Variants in ABHD18 observed in about 807,000 individuals in gnomAD.
The protein encoded by ABHD18 is abhydrolase domain containing 18.
A neutral mutation model predicts 65.9 loss-of-function variants in ABHD18; 55 were observed. The observed-to-expected ratio is 0.84, with a 90% CI of 0.67 to 1.05. The LOEUF (loss-of-function observed/expected upper bound fraction) is 1.05. Among genes scored for constraint, ABHD18 ranks in the 50% least tolerant of loss-of-function variants. The pLI is 0.00. For missense variants in ABHD18, 533 were observed against 558.5 expected, an observed-to-expected ratio of 0.95 and a Z score of 0.46; for synonymous variants, 181 against 180.2, an observed-to-expected ratio of 1.00 and a Z score of -0.04.
rs1052703459 is a variant in ABHD18 at position 128,038,010 on chromosome 4, A to G, written c.*2197A>G. The stretch of plus-strand genomic sequence containing the variant: ...TGTGTTGTCTGTGAATTATTTTTAA[A>G]TAGGGATTCTTAGTCTACTAACGAT... On this transcript the variant is annotated 3_prime_UTR_variant, in exon 13 of 13. Coordinates refer to ENST00000645843, the MANE Select transcript of ABHD18 (RefSeq NM_001358451.3). 1 of 152,168 alleles carries G rather than the reference A, an allele frequency of 6.6e-6. No individual in the cohort carries two copies. Among genetic ancestry groups the G allele is most frequent in the African/African-American group, 2.4e-5 (1 of 41,452 alleles). The allele number at this position is 152,168 out of a possible 1,614,324, so 9.4% of individuals were successfully genotyped here. A position where few individuals can be genotyped will look rare whatever the true frequency, so the allele number is the denominator to read the frequency against.
chr4:128,035,218 T>C (rs1758751468), intron 12 of ABHD18, among the ~76,000 whole-genome samples: 1 of 152,154 alleles, frequency 6.6e-6, no homozygotes, highest in African/African-American at 2.4e-5. Context: ...CGTGTATGTA[T>C]GAATATATAT....
chr4:127,988,479 A>G (rs1192063216), intron 3 of ABHD18, among the ~76,000 whole-genome samples: 1 of 152,122 alleles, frequency 6.6e-6, no homozygotes, highest in East Asian at 1.9e-4. Context: ...AGATCTGCCC[A>G]CCTTGGCCTC....
At chr4:127,978,636 G>A (rs979213361) in intron 1 of ABHD18, among the ~76,000 whole-genome samples, 7 of 152,046 alleles carry the variant, frequency 4.6e-5, no homozygotes, top group African/African-American at 1.4e-4. Context: ...AATTTAAATT[G>A]CATACCAATT....
At position 128,021,275 on chromosome 4, in the gene ABHD18, G is replaced by C. The variant is rs748790798; in HGVS notation, c.801+37G>C. On this transcript the variant is annotated intron_variant, in intron 10 of 12. Transcript: ENST00000645843. Reference sequence around the variant, plus strand: ...ACTTTCCACCCAACATTGGTGGTGGGGGGAGTTGATTGTATATTTAATGAT... The same window carrying C: ...ACTTTCCACCCAACATTGGTGGTGGCGGGAGTTGATTGTATATTTAATGAT... 8 of 1,229,900 alleles carry C rather than the reference G, an allele frequency of 6.5e-6. No homozygotes were observed. In the Admixed American group the frequency reaches 8.6e-5, roughly 13 times the overall value. 76.2% of individuals were successfully genotyped at this position (1,229,900 alleles called of 1,614,324 possible). A position where few individuals can be genotyped will look rare whatever the true frequency, so the allele number is the denominator to read the frequency against.
chr4:127,979,606 A>G (rs1748615739), intron 1 of ABHD18, among the ~76,000 whole-genome samples: 1 of 151,258 alleles, frequency 6.6e-6, no homozygotes, highest in Non-Finnish European at 1.5e-5. Context: ...AAATGGATAG[A>G]ACAAGGTATT....
At chr4:127,976,188 C>T (rs1004612089) in intron 1 of ABHD18, among the ~76,000 whole-genome samples, 1 of 152,054 alleles carries the variant, frequency 6.6e-6, no homozygotes, top group Admixed American at 6.6e-5. Flanking sequence ...TTGTGTCATA[C>T]CTATGATTTA....
chr4:127,966,129 G>A (rs1745282184), intron 1 of ABHD18: 1 of 152,166 alleles, frequency 6.6e-6, no homozygotes, highest in Admixed American at 6.5e-5. Context: ...AACATGTCAT[G>A]GGTTTTCACT....
intron 4 of ABHD18, among the ~76,000 whole-genome samples, chr4:127,991,954 CT>C (rs924995772): frequency 6.6e-6 from 1 of 152,138 alleles, no homozygotes; most frequent in Admixed American, 6.6e-5. Flanking sequence ...TTTGTTACCC[CT>C]AAGGCATTAT....
rs935749824 is a variant in ABHD18, at chr4:127,974,230, C to G, written c.-18+8624C>G. ...TTTTTTTTTTTGAGACAGAGTCTTA[C>G]TCTGTCGCCCACGCTGGAGAGCAAT... On this transcript the variant is annotated intron_variant, in intron 1 of 12. Coordinates refer to ENST00000645843, the MANE Select transcript of ABHD18 (RefSeq NM_001358451.3). Among the ~76,000 whole-genome samples the G allele has an allele frequency of 3.7e-4, 43 of 115,730 alleles. 1 individual carries two copies. Among genetic ancestry groups the G allele is most frequent in the Non-Finnish European group, 5.3e-4 (32 of 60,174 alleles). The allele number at this position is 115,730 out of a possible 152,430, so 75.9% of individuals were successfully genotyped here.
chr4:128,035,785 A>T lies in ABHD18; in HGVS notation c.1367A>T (p.Asp456Val), dbSNP rs1196724151. The T allele has an allele frequency of 4.6e-6, 7 of 1,538,106 alleles. No individual in the cohort carries two copies. The African/African-American group carries it at 6.9e-5, about 15-fold the overall frequency. ...LFRQAIYDAFDRFLHKYAN is the reference protein window; with the variant it reads ...LFRQAIYDAFVRFLHKYAN ...AGACAAGCCATCTATGATGCATTTGACCGCTTCCTCCATAAATACGCTAAC... is the reference window on the plus strand; with the variant it reads ...AGACAAGCCATCTATGATGCATTTGTCCGCTTCCTCCATAAATACGCTAAC... Residue 456 changes from aspartate (D) to valine (V), a missense_variant, in exon 13 of 13, where the codon GAC becomes GTC. Physicochemically the swap from Asp to Val is radical, Grantham distance 152 (BLOSUM62 -3). Transcript: ENST00000645843.
At chr4:127,982,916 C>T (rs1170636102) in intron 1 of ABHD18, 23 bp from the exon 2 acceptor site, 6 of 1,242,596 alleles carry the variant, frequency 4.8e-6, no homozygotes, top group Non-Finnish European at 6.6e-6. Flanking sequence ...TATTTTAAAG[C>T]CATTTTAAAT....
rs553823969 is a variant in ABHD18, at chr4:128,027,075, G to A, written c.802-1400G>A. Among the ~76,000 whole-genome samples, 142 of 152,208 alleles carry A rather than the reference G, an allele frequency of 9.3e-4. 1 individual carries two copies. Among genetic ancestry groups the A allele is most frequent in the Non-Finnish European group, 1.4e-3 (96 of 68,004 alleles). On this transcript the variant is annotated intron_variant, in intron 10 of 12. Coordinates refer to ENST00000645843, the MANE Select transcript of ABHD18 (RefSeq NM_001358451.3). ...AGGGATTACAAGCATGAGCCACCGT[G>A]CCTTGCCTACTGTACCTTTTCTATG...
chr4:128,035,755 A>C lies in ABHD18; in HGVS notation c.1344-7A>C, dbSNP rs1758825705. ...ACTTAGAGTTTTTCTTTCATATTTAATTTTAGACAAGCCATCTATGATGCA... is the reference window on the plus strand; with the variant it reads ...ACTTAGAGTTTTTCTTTCATATTTACTTTTAGACAAGCCATCTATGATGCA... On this transcript the variant is annotated splice_polypyrimidine_tract_variant and splice_region_variant and intron_variant, in intron 12 of 12. Transcript: ENST00000645843. 1.3e-6 allele frequency: 2 copies of C among 1,510,512 alleles called. No homozygotes were observed. Among genetic ancestry groups the C allele is most frequent in the Admixed American group, 2.0e-5 (1 of 48,920 alleles). The allele number at this position is 1,510,512 out of a possible 1,614,324, so 93.6% of individuals were successfully genotyped here. A position where few individuals can be genotyped will look rare whatever the true frequency, so the allele number is the denominator to read the frequency against.
At chr4:128,004,957 A>G (rs1753353088) in intron 4 of ABHD18, among the ~76,000 whole-genome samples, 1 of 151,568 alleles carries the variant, frequency 6.6e-6, no homozygotes, top group Admixed American at 6.6e-5. Context: ...GGCCAGGCGC[A>G]GTGGCTCACA....
Position 128,020,079 on chromosome 4 carries a change from G to T in ABHD18, c.610-1G>T. On this transcript the variant is annotated splice_acceptor_variant, in intron 8 of 12. Coordinates refer to ENST00000645843, the MANE Select transcript of ABHD18 (RefSeq NM_001358451.3). LOFTEE classifies it high-confidence loss of function. ...GACGCTCTCTATCTGTTATATTACA[G>T]ATGGCTTCCTTAGCGGTATCCAACT... The T allele has an allele frequency of 6.2e-7, 1 of 1,607,660 alleles. No individual in the cohort carries two copies. Among genetic ancestry groups the T allele is most frequent in the East Asian group, 2.2e-5 (1 of 44,838 alleles).
intron 7 of ABHD18, among the ~76,000 whole-genome samples, chr4:128,014,944 G>A (rs1269899608): frequency 6.6e-6 from 1 of 152,146 alleles, no homozygotes; most frequent in Non-Finnish European, 1.5e-5. Flanking sequence ...TGGGCATGGT[G>A]GTGGGCACCT....
intron 10 of ABHD18, 52 bp downstream of exon 10, chr4:128,021,290 T>C: frequency 9.5e-7 from 1 of 1,049,822 alleles, no homozygotes; most frequent in Non-Finnish European, 1.4e-6. Flanking sequence ...GTTGATTGTA[T>C]ATTTAATGAT....
Position 128,030,790 on chromosome 4 carries a change from C to T in ABHD18, c.1343+118C>T, listed in dbSNP as rs1053951637. 2.1e-6 allele frequency: 3 copies of T among 1,420,068 alleles called. No homozygotes were observed. In the African/African-American group the frequency reaches 4.5e-5, roughly 21 times the overall value. The allele number at this position is 1,420,068 out of a possible 1,614,324, so 88.0% of individuals were successfully genotyped here. On this transcript the variant is annotated intron_variant, in intron 12 of 12. Transcript: ENST00000645843. ...TAGTCTGTTTCAATCTTTGAATTCC[C>T]TCCTCACCTCCCACAAATCTCACAG...
intron 10 of ABHD18, among the ~76,000 whole-genome samples, chr4:128,024,046 T>G (rs1756968435): frequency 6.6e-6 from 1 of 152,220 alleles, no homozygotes; most frequent in South Asian, 2.1e-4. Context: ...GTCAATTTTG[T>G]GTTGCTGTAA....
Sources: gnomAD v4.1 joint callset for allele counts (sites outside exome capture counted in the v4.1 genomes callset) on GRCh38, gnomAD v4.1.1 for gene constraint, MANE v1.5 for transcripts, NCBI Gene and HGNC (gene_info 2026-07-23, HGNC 2026-07-21) for gene names.